Variants in NLGN4X observed in about 807,000 individuals in gnomAD.
NLGN4X encodes neuroligin-4, X-linked.
NLGN4X carries 3 observed loss-of-function variants against 40.3 expected under a neutral mutation model. That is an observed-to-expected ratio of 0.07 (90% CI 0.03 to 0.19). The LOEUF is 0.19. Among genes scored for constraint, NLGN4X ranks in the 10% least tolerant of loss-of-function variants. The pLI is 1.00. For synonymous variants in NLGN4X, 270 were observed against 306.8 expected, an observed-to-expected ratio of 0.88 and a Z score of 1.25; for missense variants, 382 against 708.3, an observed-to-expected ratio of 0.54 and a Z score of 5.23.
At chrX:6,044,745 C>T (rs1208749070) in intron 2 of NLGN4X, among the ~76,000 whole-genome samples, 2 of 111,318 alleles carry the variant, frequency 1.8e-5, no homozygotes, top group African/African-American at 6.5e-5. Flanking sequence ...TAGGGAAGAC[C>T]GTCCATGTAT....
Position 6,047,076 on chromosome X carries a change from C to T in NLGN4X, c.473-17644G>A, listed in dbSNP as rs770460153. Among the ~76,000 whole-genome samples the T allele has an allele frequency of 7.3e-5, 8 of 109,507 alleles. No homozygotes were observed. In the East Asian group the frequency reaches 2.3e-3, roughly 31 times the overall value. ...TTTTGTGTACACATATATACATATACATTTTTAATAAAGAATGACATTACT... is the reference window on the plus strand; with the variant it reads ...TTTTGTGTACACATATATACATATATATTTTTAATAAAGAATGACATTACT... On this transcript the variant is annotated intron_variant, in intron 2 of 5. Coordinates refer to ENST00000381095, the MANE Select transcript of NLGN4X (RefSeq NM_181332.3).
At chrX:5,921,735 GAA>G (rs1402650071) in intron 3 of NLGN4X, among the ~76,000 whole-genome samples, 1 of 111,983 alleles carries the variant, frequency 8.9e-6, no homozygotes, top group Non-Finnish European at 1.9e-5. Context: ...CATGAAAACT[GAA>G]AAGTTATTTC....
intron 2 of NLGN4X, among the ~76,000 whole-genome samples, chrX:6,124,405 G>A (rs1406465219): frequency 8.9e-6 from 1 of 112,318 alleles, no homozygotes; most frequent in African/African-American, 3.2e-5. Flanking sequence ...ATATAGGCCA[G>A]TTGCAGTGGC....
At chrX:5,978,271 T>TC (rs2035243618) in intron 3 of NLGN4X, among the ~76,000 whole-genome samples, 1 of 91,238 alleles carries the variant, frequency 1.1e-5, no homozygotes, top group African/African-American at 5.7e-5. Context: ...GGCGTCTCTT[T>TC]TTTTCTTTCT....
At chrX:5,947,524 C>T (rs1231599838) in intron 3 of NLGN4X, among the ~76,000 whole-genome samples, 1 of 111,482 alleles carries the variant, frequency 9.0e-6, no homozygotes, top group Non-Finnish European at 1.9e-5. Context: ...TTGTCCAAGG[C>T]GTTCAAAGTC....
At chrX:5,953,545 T>C (rs1033115541) in intron 3 of NLGN4X, among the ~76,000 whole-genome samples, 19 of 111,830 alleles carry the variant, frequency 1.7e-4, no homozygotes, top group Admixed American at 2.8e-4. Flanking sequence ...TTATTACACA[T>C]TGTATGCCTG....
intron 3 of NLGN4X, among the ~76,000 whole-genome samples, chrX:6,010,522 A>ATTATTATTATTATTATTAT (rs1321195478): frequency 2.0e-5 from 2 of 101,583 alleles, no homozygotes; most frequent in Non-Finnish European, 2.0e-5. Context: ...TTTTATTATT[A>ATTATTATTATTATTATTAT]TTATTATTAT....
intron 3 of NLGN4X, among the ~76,000 whole-genome samples, chrX:5,921,388 A>T (rs977289111): frequency 4.6e-5 from 4 of 87,324 alleles, no homozygotes; most frequent in Non-Finnish European, 8.7e-5. Flanking sequence ...ATTGAAAATG[A>T]ACCAGAGAGA....
In NLGN4X at chrX:6,079,623, T is replaced by C. The variant is rs2038295664; in HGVS notation, c.473-50191A>G. Among the ~76,000 whole-genome samples, 3 of 112,015 alleles carry C rather than the reference T, an allele frequency of 2.7e-5. No homozygotes were observed. The South Asian group carries it at 1.1e-3, about 42-fold the overall frequency. On this transcript the variant is annotated intron_variant, in intron 2 of 5. Transcript: ENST00000381095. ...GCTCATGACAGCTGCATCTCCAGTGTTGGGCACAGAGTAGGCACTAAATAA... is the reference window on the plus strand; with the variant it reads ...GCTCATGACAGCTGCATCTCCAGTGCTGGGCACAGAGTAGGCACTAAATAA...
At chrX:6,034,011 C>A (rs1024703372) in intron 2 of NLGN4X, among the ~76,000 whole-genome samples, 8 of 112,376 alleles carry the variant, frequency 7.1e-5, no homozygotes, top group African/African-American at 2.6e-4. Context: ...GGAAAACACT[C>A]CTCTGTTCTA....
At chrX:5,969,243 A>C (rs778058682) in intron 3 of NLGN4X, among the ~76,000 whole-genome samples, 9 of 111,461 alleles carry the variant, frequency 8.1e-5, no homozygotes, top group African/African-American at 2.9e-4. Flanking sequence ...GGCAACCTAC[A>C]AAATGGGAGA....
intron 3 of NLGN4X, among the ~76,000 whole-genome samples, chrX:5,971,015 G>A (rs1174702149): frequency 1.8e-5 from 2 of 111,453 alleles, no homozygotes; most frequent in East Asian, 2.8e-4. Context: ...CAGAGAATCC[G>A]CTGTTCCCTG....
chrX:6,214,746 T>C (rs1924917195), intron 1 of NLGN4X, among the ~76,000 whole-genome samples: 2 of 111,377 alleles, frequency 1.8e-5, no homozygotes, highest in African/African-American at 6.5e-5. Context: ...GAAAAATATG[T>C]GTATAGAAAG....
chrX:5,989,099 A>AT (rs199609569), intron 3 of NLGN4X, among the ~76,000 whole-genome samples: 7,391 of 106,720 alleles, frequency 0.069, 688 homozygotes, highest in African/African-American at 0.24. Flanking sequence ...AAAATAAAAA[A>AT]AAAAATAAAA....
chrX:5,897,716 T>C (rs1329774786), intron 5 of NLGN4X, among the ~76,000 whole-genome samples: 2 of 112,193 alleles, frequency 1.8e-5, no homozygotes, highest in Non-Finnish European at 3.8e-5. Context: ...CCTTTCTTGA[T>C]CAAGGTTTTC....
At chrX:6,107,654 G>A (rs771798762) in intron 2 of NLGN4X, among the ~76,000 whole-genome samples, 11 of 111,742 alleles carry the variant, frequency 9.8e-5, no homozygotes, top group Middle Eastern at 4.6e-3. Flanking sequence ...ATCACACAAA[G>A]AGTGAACATT....
intron 3 of NLGN4X, among the ~76,000 whole-genome samples, chrX:5,967,665 A>AAAAAATAACG (rs1913648620): frequency 9.0e-6 from 1 of 111,580 alleles, no homozygotes; most frequent in Admixed American, 9.6e-5. Context: ...TATTTTTTTA[A>AAAAAATAACG]TTTGCATCAG....
intron 2 of NLGN4X, among the ~76,000 whole-genome samples, chrX:6,112,997 G>T (rs1040253611): frequency 1.8e-5 from 2 of 110,299 alleles, no homozygotes; most frequent in Non-Finnish European, 3.8e-5. Flanking sequence ...GTATAACCAT[G>T]AGAAAAACAT....
intron 1 of NLGN4X, among the ~76,000 whole-genome samples, chrX:6,155,189 A>C (rs953238478): frequency 2.7e-5 from 3 of 111,361 alleles, no homozygotes; most frequent in African/African-American, 9.8e-5. Context: ...CCTGTGTTTT[A>C]CTTCCAGCCA....
Sources: allele counts gnomAD v4.1 joint callset (sites outside exome capture counted in the v4.1 genomes callset), GRCh38; gene constraint gnomAD v4.1.1; transcripts MANE v1.5; gene names NCBI Gene and HGNC (gene_info 2026-07-23, HGNC 2026-07-21).